Variants in RUNX2 observed in about 807,000 individuals in gnomAD.
The protein encoded by RUNX2 is RUNX family transcription factor 2.
Under a neutral mutation model 51.7 loss-of-function variants are expected in RUNX2, and 10 were observed. The observed-to-expected ratio is 0.19, with a 90% CI of 0.12 to 0.33. The LOEUF (loss-of-function observed/expected upper bound fraction) is 0.33. RUNX2 is among the 10% of genes least tolerant of loss of function. The pLI, the probability that RUNX2 is intolerant of heterozygous loss-of-function variation, is 1.00. For missense variants in RUNX2, 562 were observed against 691.3 expected, an observed-to-expected ratio of 0.81 and a Z score of 2.10; for synonymous variants, 276 against 273.6, an observed-to-expected ratio of 1.01 and a Z score of -0.09.
chr6:45,511,509 A>C (rs1249249425), intron 6 of RUNX2, among the ~76,000 whole-genome samples: 3 of 152,160 alleles, frequency 2.0e-5, no homozygotes, highest in African/African-American at 7.2e-5. Context: ...TTCAGTTCTT[A>C]ATGGTAGTTG....
intron 2 of RUNX2, among the ~76,000 whole-genome samples, chr6:45,399,818 G>A (rs1404814109): frequency 6.9e-6 from 1 of 144,538 alleles, no homozygotes; most frequent in Non-Finnish European, 1.5e-5. Context: ...AGGGAGGGAA[G>A]TAAGGAAGGA....
At position 45,388,051 on chromosome 6, in the gene RUNX2, A is replaced by G. The variant is rs977897855; in HGVS notation, c.59-34542A>G. Among the ~76,000 whole-genome samples, 21 of 152,218 alleles carry G rather than the reference A, an allele frequency of 1.4e-4. 1 individual carries two copies. Among genetic ancestry groups the G allele is most frequent in the Non-Finnish European group, 2.4e-4 (16 of 68,046 alleles). ...AAGATCAAAAGACTTGAGGTTATTT[A>G]CAGGCTTTCGAGAAGAAGCTGGTAA... On this transcript the variant is annotated intron_variant, in intron 2 of 8. Coordinates refer to ENST00000647337, the MANE Select transcript of RUNX2 (RefSeq NM_001024630.4).
chr6:45,359,434 T>C (rs1053234927), intron 2 of RUNX2, among the ~76,000 whole-genome samples: 1 of 152,170 alleles, frequency 6.6e-6, no homozygotes, highest in Non-Finnish European at 1.5e-5. Flanking sequence ...TATCTTAAAA[T>C]ATCCCAAACA....
chr6:45,365,683 A>G (rs1396848716), intron 2 of RUNX2, among the ~76,000 whole-genome samples: 2 of 148,696 alleles, frequency 1.3e-5, no homozygotes, highest in Non-Finnish European at 3.0e-5. Flanking sequence ...CCCAAGCACA[A>G]CACACTCCCA....
intron 3 of RUNX2, among the ~76,000 whole-genome samples, chr6:45,426,304 G>A (rs1295691046): frequency 6.6e-6 from 1 of 152,156 alleles, no homozygotes; most frequent in African/African-American, 2.4e-5. Flanking sequence ...GTATCTCACT[G>A]AAACCTTAAA....
intron 3 of RUNX2, among the ~76,000 whole-genome samples, chr6:45,423,796 C>A (rs546666485): frequency 6.6e-6 from 1 of 152,224 alleles, no homozygotes; most frequent in South Asian, 2.1e-4. Flanking sequence ...GAAGCGGGGG[C>A]GTTCAGGGGG....
At chr6:45,389,007 G>A (rs116373813) in intron 2 of RUNX2, among the ~76,000 whole-genome samples, 3,147 of 152,196 alleles carry the variant, frequency 0.021, 115 homozygotes, top group African/African-American at 0.071. Flanking sequence ...CCAATTCATG[G>A]GGAAGGAATT....
At chr6:45,476,039 A>G (rs975418938) in intron 5 of RUNX2, among the ~76,000 whole-genome samples, 1 of 152,150 alleles carries the variant, frequency 6.6e-6, no homozygotes, top group Non-Finnish European at 1.5e-5. Flanking sequence ...AAGCCCTTTT[A>G]TATGTGTTTA....
chr6:45,462,214 T>C (rs1428013148), intron 5 of RUNX2, among the ~76,000 whole-genome samples: 1 of 152,228 alleles, frequency 6.6e-6, no homozygotes, highest in Admixed American at 6.5e-5. Flanking sequence ...TTTATATCCA[T>C]ATGTTAAGCA....
chr6:45,365,380 A>C, intron 2 of RUNX2: 1 of 933,942 alleles, frequency 1.1e-6, no homozygotes, highest in Admixed American at 2.3e-5. Flanking sequence ...AGCAAATATA[A>C]ATTACTTCAA....
chr6:45,451,284 A>G (rs1799163788), intron 5 of RUNX2, among the ~76,000 whole-genome samples: 1 of 152,192 alleles, frequency 6.6e-6, no homozygotes, highest in African/African-American at 2.4e-5. Flanking sequence ...GGTCCCGAAT[A>G]ACATGTTTTC....
At chr6:45,422,024 G>T (rs1450261283) in intron 2 of RUNX2, 1 of 148,650 alleles carries the variant, frequency 6.7e-6, no homozygotes, top group Non-Finnish European at 1.5e-5. Flanking sequence ...CGCGGGGGGA[G>T]CGGCGGCCGC....
chr6:45,510,047 G>C (rs2150419495), intron 6 of RUNX2, among the ~76,000 whole-genome samples: 1 of 152,306 alleles, frequency 6.6e-6, no homozygotes, highest in East Asian at 1.9e-4. Context: ...TGTAAGGAAT[G>C]AATCTTTTTC....
At chr6:45,468,381 T>C (rs1053450711) in intron 5 of RUNX2, among the ~76,000 whole-genome samples, 4 of 152,160 alleles carry the variant, frequency 2.6e-5, no homozygotes, top group African/African-American at 9.7e-5. Flanking sequence ...TTAGAGAACA[T>C]GCTAGAAAAC....
At chr6:45,368,255 G>C (rs186156455) in intron 2 of RUNX2, among the ~76,000 whole-genome samples, 1 of 152,110 alleles carries the variant, frequency 6.6e-6, no homozygotes, top group South Asian at 2.1e-4. Context: ...GAGTTTAAAT[G>C]TGAACCCAAG....
intron 2 of RUNX2, among the ~76,000 whole-genome samples, chr6:45,330,108 T>C (rs560978157): frequency 2.6e-5 from 4 of 151,988 alleles, no homozygotes; most frequent in South Asian, 2.1e-4. Context: ...AAATGTACTT[T>C]GTATTTTACA....
At chr6:45,456,849 T>G (rs1389842280) in intron 5 of RUNX2, among the ~76,000 whole-genome samples, 2 of 152,160 alleles carry the variant, frequency 1.3e-5, no homozygotes, top group Non-Finnish European at 2.9e-5. Context: ...CTTTTTCAAG[T>G]GATAAAGAAG....
rs73448172 is a variant in RUNX2 at position 45,515,375 on chromosome 6, T to A, written c.1021+2968T>A. Among the ~76,000 whole-genome samples, 753 of 152,328 alleles carry A rather than the reference T, an allele frequency of 4.9e-3. 7 individuals are homozygous for A. Among genetic ancestry groups the A allele is most frequent in the African/African-American group, 0.017 (719 of 41,566 alleles). On this transcript the variant is annotated intron_variant, in intron 7 of 8. Coordinates refer to ENST00000647337, the MANE Select transcript of RUNX2 (RefSeq NM_001024630.4). ...TTCATCTTCAGGGTTGGTGTGAGGA[T>A]TAAGTGAGATACTTCATATAAAGTG...
chr6:45,340,493 T>A (rs964862678), intron 2 of RUNX2, among the ~76,000 whole-genome samples: 7 of 151,988 alleles, frequency 4.6e-5, no homozygotes, highest in Admixed American at 2.6e-4. Context: ...CCAGATAATT[T>A]TGTAATTTTT....
Sources: gnomAD v4.1 joint callset for allele counts (sites outside exome capture counted in the v4.1 genomes callset) on GRCh38, gnomAD v4.1.1 for gene constraint, MANE v1.5 for transcripts, NCBI Gene and HGNC (gene_info 2026-07-23, HGNC 2026-07-21) for gene names.